SDK1: variants seen among roughly 807,000 people sequenced by gnomAD.
SDK1 encodes the protein protein sidekick-1.
Under a neutral mutation model 245.5 loss-of-function variants are expected in SDK1, and 157 were observed. The observed-to-expected ratio is 0.64, with a 90% CI of 0.56 to 0.73. The LOEUF (loss-of-function observed/expected upper bound fraction) is 0.73. Ranked by LOEUF, SDK1 falls within the 30% of genes least tolerant of loss-of-function variation. The pLI is 0.00. For missense variants in SDK1, 3,583 were observed against 3,002.3 expected (o/e 1.19, Z -4.52); for synonymous variants, 1,647 against 1,278.5 (o/e 1.29, Z -6.15).
Position 3,937,092 on chromosome 7 carries a change from G to C in SDK1, c.848-13831G>C, listed in dbSNP as rs1780188155. 2.0e-5 allele frequency among the ~76,000 whole-genome samples: 3 copies of C among 152,142 alleles called. No individual in the cohort carries two copies. In the South Asian group the frequency reaches 6.2e-4, roughly 32 times the overall value. ...GTCCGTGCAGTGGCGTGTGCCCCAG[G>C]AGCACGGCAGTTCTCAACAAGACTG... On this transcript the variant is annotated intron_variant, in intron 5 of 44. Coordinates refer to ENST00000404826, the MANE Select transcript of SDK1 (RefSeq NM_152744.4).
intron 1 of SDK1, among the ~76,000 whole-genome samples, chr7:3,487,354 T>C (rs1781731752): frequency 6.6e-6 from 1 of 152,160 alleles, no homozygotes; most frequent in South Asian, 2.1e-4. Context: ...TCCTTATTTT[T>C]CTAAACCATC....
In SDK1 at chr7:4,054,514, C is replaced by G. The variant is rs189944654; in HGVS notation, c.2911+2684C>G. On this transcript the variant is annotated intron_variant, in intron 19 of 44. Coordinates refer to ENST00000404826, the MANE Select transcript of SDK1 (RefSeq NM_152744.4). ...AGGTTTGTGTATCTACCACGATAATCAAGATCTTGAATGTTTCTAAGGCCA... is the reference window on the plus strand; with the variant it reads ...AGGTTTGTGTATCTACCACGATAATGAAGATCTTGAATGTTTCTAAGGCCA... 2.6e-5 allele frequency among the ~76,000 whole-genome samples: 4 copies of G among 152,262 alleles called. No individual in the cohort carries two copies. The East Asian group carries it at 7.7e-4, about 29-fold the overall frequency.
chr7:3,681,945 G>C (rs755560309), intron 4 of SDK1, among the ~76,000 whole-genome samples: 1 of 152,096 alleles, frequency 6.6e-6, no homozygotes, highest in African/African-American at 2.4e-5. Flanking sequence ...ATGTAGCCCA[G>C]TATCACAAGA....
At chr7:4,033,458 AACTG>A (rs532659079) in intron 17 of SDK1, among the ~76,000 whole-genome samples, 17 of 152,350 alleles carry the variant, frequency 1.1e-4, no homozygotes, top group African/African-American at 3.6e-4. Context: ...AAGATTGATG[AACTG>A]ACTATTTAGA....
chr7:3,329,387 CA>C (rs1439077675), intron 1 of SDK1, among the ~76,000 whole-genome samples: 3 of 152,096 alleles, frequency 2.0e-5, no homozygotes, highest in Non-Finnish European at 4.4e-5. Flanking sequence ...ATTCACCTAC[CA>C]TATAATTCAT....
At chr7:4,126,947 C>T (rs1350352786) in intron 25 of SDK1, among the ~76,000 whole-genome samples, 4 of 152,132 alleles carry the variant, frequency 2.6e-5, no homozygotes, top group Non-Finnish European at 5.9e-5. Context: ...GTCAACCTAC[C>T]CTCCCTTCCC....
At chr7:3,421,447 C>T (rs1293448435) in intron 1 of SDK1, among the ~76,000 whole-genome samples, 2 of 152,080 alleles carry the variant, frequency 1.3e-5, no homozygotes, top group African/African-American at 4.8e-5. Context: ...TTCATAATTA[C>T]CAAAGCCTTT....
At chr7:3,693,627 G>T (rs1004926109) in intron 4 of SDK1, among the ~76,000 whole-genome samples, 3 of 151,906 alleles carry the variant, frequency 2.0e-5, no homozygotes, top group Admixed American at 2.0e-4. Flanking sequence ...ATTATGAATA[G>T]TTTCTTTTTA....
chr7:4,061,700 C>G (rs547152007), intron 19 of SDK1, among the ~76,000 whole-genome samples: 4 of 152,170 alleles, frequency 2.6e-5, no homozygotes, highest in Non-Finnish European at 5.9e-5. Flanking sequence ...TATTGCTGCA[C>G]TATTCACAAT....
At chr7:3,485,841 TA>T (rs1781678548) in intron 1 of SDK1, among the ~76,000 whole-genome samples, 1 of 151,924 alleles carries the variant, frequency 6.6e-6, no homozygotes, top group Non-Finnish European at 1.5e-5. Flanking sequence ...GGTGGCTTTC[TA>T]AAACATCTTA....
At chr7:3,673,757 G>T (rs1177047203) in intron 4 of SDK1, among the ~76,000 whole-genome samples, 1 of 152,204 alleles carries the variant, frequency 6.6e-6, no homozygotes, top group Admixed American at 6.5e-5. Context: ...GGCATAGTCA[G>T]TTCATTATGT....
chr7:4,054,005 C>G (rs1278672824), intron 19 of SDK1, among the ~76,000 whole-genome samples: 1 of 151,952 alleles, frequency 6.6e-6, no homozygotes, highest in Non-Finnish European at 1.5e-5. Flanking sequence ...GTGGTGCAAT[C>G]TTGGCTCACT....
intron 5 of SDK1, among the ~76,000 whole-genome samples, chr7:3,827,051 C>G (rs888220896): frequency 7.2e-5 from 11 of 152,138 alleles, no homozygotes; most frequent in African/African-American, 2.7e-4. Flanking sequence ...CAAGGTGTCC[C>G]CTTTTCCCCT....
chr7:3,827,578 A>G (rs1239558732), intron 5 of SDK1, among the ~76,000 whole-genome samples: 2 of 152,204 alleles, frequency 1.3e-5, no homozygotes, highest in East Asian at 3.9e-4. Context: ...ACGAGGTGGG[A>G]CCTACGTGTG....
intron 1 of SDK1, among the ~76,000 whole-genome samples, chr7:3,427,841 TC>T: frequency 8.2e-6 from 1 of 122,108 alleles, no homozygotes; most frequent in African/African-American, 4.0e-5. Flanking sequence ...CTCTTAGATG[TC>T]GTTAGTGTCT....
chr7:3,944,358 T>C (rs889557286), intron 5 of SDK1, among the ~76,000 whole-genome samples: 2 of 152,242 alleles, frequency 1.3e-5, no homozygotes, highest in African/African-American at 4.8e-5. Context: ...CTTGGCAAAA[T>C]AGAATTCCTT....
intron 17 of SDK1, among the ~76,000 whole-genome samples, chr7:4,021,549 G>A (rs998338427): frequency 2.6e-5 from 4 of 152,196 alleles, no homozygotes; most frequent in African/African-American, 9.6e-5. Context: ...CAGAGATTCA[G>A]GGTTCTTTGT....
At chr7:3,875,917 C>T (rs1781065288) in intron 5 of SDK1, among the ~76,000 whole-genome samples, 1 of 152,174 alleles carries the variant, frequency 6.6e-6, no homozygotes. Context: ...TCAGGGGCTA[C>T]ACTTCCAGCT....
intron 1 of SDK1, among the ~76,000 whole-genome samples, chr7:3,405,159 C>CAAAAAA (rs751705504): frequency 8.1e-6 from 1 of 124,018 alleles, no homozygotes; most frequent in African/African-American, 3.7e-5. Flanking sequence ...AAAAAAAAAC[C>CAAAAAA]AAAAAAAAAA....
Sources: gnomAD v4.1 joint callset for allele counts (sites outside exome capture counted in the v4.1 genomes callset) on GRCh38, gnomAD v4.1.1 for gene constraint, MANE v1.5 for transcripts, NCBI Gene and HGNC (gene_info 2026-07-23, HGNC 2026-07-21) for gene names.